ROBO1: variants seen among roughly 807,000 people sequenced by gnomAD.
ROBO1 encodes roundabout homolog 1.
In ROBO1, 149 loss-of-function variants were observed where a neutral mutation model predicts 195.9. That is an observed-to-expected ratio of 0.76 (90% CI 0.67 to 0.87). The LOEUF (loss-of-function observed/expected upper bound fraction) is 0.87. Among genes scored for constraint, ROBO1 ranks in the 40% least tolerant of loss-of-function variants. ROBO1 has a pLI of 0.00. For synonymous variants in ROBO1, 816 were observed against 733.2 expected (o/e 1.11, Z -1.82); for missense variants, 1,933 against 2,068.3 (o/e 0.93, Z 1.27).
intron 2 of ROBO1, among the ~76,000 whole-genome samples, chr3:79,229,791 C>A (rs2082289912): frequency 6.6e-6 from 1 of 152,018 alleles, no homozygotes; most frequent in African/African-American, 2.4e-5. Flanking sequence ...TTTTTAGCTT[C>A]TTTTATTCCC....
chr3:79,315,175 C>G (rs1023041516), intron 2 of ROBO1, among the ~76,000 whole-genome samples: 1 of 152,104 alleles, frequency 6.6e-6, no homozygotes, highest in Non-Finnish European at 1.5e-5. Context: ...AGTGCAGTGA[C>G]TCATACCTGT....
At chr3:79,334,338 ATATATG>A (rs2034576463) in intron 2 of ROBO1, among the ~76,000 whole-genome samples, 1 of 146,104 alleles carries the variant, frequency 6.8e-6, no homozygotes, top group African/African-American at 2.5e-5. Flanking sequence ...ATATGTGTAT[ATATATG>A]TATATATGTA....
chr3:79,114,964 G>A (rs2079964268), intron 3 of ROBO1, among the ~76,000 whole-genome samples: 1 of 152,128 alleles, frequency 6.6e-6, no homozygotes, highest in African/African-American at 2.4e-5. Flanking sequence ...TCTAATTGTA[G>A]AGTCATAGCA....
At chr3:79,417,954 A>G (rs774366738) in intron 2 of ROBO1, among the ~76,000 whole-genome samples, 12 of 152,140 alleles carry the variant, frequency 7.9e-5, no homozygotes, top group Non-Finnish European at 1.6e-4. Context: ...AGATTATTAC[A>G]AAAACACCAT....
intron 2 of ROBO1, among the ~76,000 whole-genome samples, chr3:79,301,327 A>G (rs2032944130): frequency 6.6e-6 from 1 of 152,188 alleles, no homozygotes; most frequent in Non-Finnish European, 1.5e-5. Flanking sequence ...TGAGACCAAG[A>G]ACCCACCAAT....
At position 79,635,810 on chromosome 3, in the gene ROBO1, G is replaced by A. The variant is rs570412641; in HGVS notation, c.-50-45849C>T. ...TGGAATGGGGATATTTTTAATTATT[G>A]CACTTAGTTAGATAAACTGTTATCC... On this transcript the variant is annotated intron_variant, in intron 1 of 30. Transcript: ENST00000464233. Among the ~76,000 whole-genome samples, 7 of 152,240 alleles carry A rather than the reference G, an allele frequency of 4.6e-5. No homozygotes were observed. In the South Asian group the frequency reaches 1.5e-3, roughly 32 times the overall value.
At chr3:78,818,095 A>C (rs1008269245) in intron 4 of ROBO1, among the ~76,000 whole-genome samples, 6 of 152,234 alleles carry the variant, frequency 3.9e-5, no homozygotes, top group Admixed American at 1.3e-4. Flanking sequence ...ATTCAACTGC[A>C]TCAGTTGCAG....
At position 78,670,235 on chromosome 3, in the gene ROBO1, C is replaced by A; in HGVS notation, c.1409G>T (p.Gly470Val). The change falls in exon 11 of 31, where the codon GGC becomes GTC. Residue 470 changes from glycine to valine, a missense_variant. This residue lies in a region of ROBO1 where 1,737 missense variants were observed against 1,882.5 expected (regional missense o/e 0.92). Transcript: ENST00000464233. Reference sequence around the variant, plus strand: ...GGCCACACAGCTGAGGACGAAAGTGCCATCCACGGCTACAGTCTGATTCAC... The same window carrying A: ...GGCCACACAGCTGAGGACGAAAGTGACATCCACGGCTACAGTCTGATTCAC... ...GPVNQTVAVD[G>V]TFVLSCVATG... 6.3e-7 allele frequency: 1 copy of A among 1,599,988 alleles called. No individual in the cohort carries two copies. Among genetic ancestry groups the A allele is most frequent in the Non-Finnish European group, 8.5e-7 (1 of 1,172,562 alleles).
Position 78,701,218 on chromosome 3 carries a change from A to T in ROBO1, c.1046-12446T>A, listed in dbSNP as rs148004989. ...ACAAAATGACTTTTAACAAGAAATG[A>T]TTTAAATATACAACATATGTATTGA... On this transcript the variant is annotated intron_variant, in intron 8 of 30. Transcript: ENST00000464233. Among the ~76,000 whole-genome samples, 27 of 152,360 alleles carry T rather than the reference A, an allele frequency of 1.8e-4. No individual in the cohort carries two copies. In the East Asian group the frequency reaches 5.2e-3, roughly 29 times the overall value.
intron 2 of ROBO1, among the ~76,000 whole-genome samples, chr3:79,484,318 G>A (rs137994278): frequency 2.0e-5 from 3 of 152,214 alleles, no homozygotes; most frequent in African/African-American, 7.2e-5. Flanking sequence ...CAGCACTTCC[G>A]TGAAGCCAGA....
At chr3:78,853,102 T>C (rs9863758) in intron 4 of ROBO1, among the ~76,000 whole-genome samples, 51,927 of 151,934 alleles carry the variant, frequency 0.34, 9,357 homozygotes, top group South Asian at 0.53. Flanking sequence ...GTGGAAATGA[T>C]AGTAAACATT....
chr3:79,159,764 T>C (rs1441121656), intron 2 of ROBO1, among the ~76,000 whole-genome samples: 1 of 152,046 alleles, frequency 6.6e-6, no homozygotes, highest in East Asian at 1.9e-4. Flanking sequence ...CTTATGTTTC[T>C]GAGCCCAGGG....
intron 28 of ROBO1, chr3:78,607,399 GAT>G: frequency 4.9e-6 from 1 of 203,856 alleles, no homozygotes; most frequent in East Asian, 1.2e-4. Flanking sequence ...TTTTTGTAGA[GAT>G]GGGGTTTTGC....
intron 1 of ROBO1, among the ~76,000 whole-genome samples, chr3:79,630,445 C>T (rs898109597): frequency 2.0e-5 from 3 of 151,938 alleles, no homozygotes; most frequent in African/African-American, 7.2e-5. Flanking sequence ...CCAACACCCT[C>T]TCATGTTAAA....
intron 2 of ROBO1, among the ~76,000 whole-genome samples, chr3:79,277,262 A>C (rs1038350703): frequency 6.6e-6 from 1 of 152,140 alleles, no homozygotes; most frequent in Non-Finnish European, 1.5e-5. Flanking sequence ...TGTAGTACAT[A>C]TACACAATAG....
rs749615667 is a variant in ROBO1, at chr3:78,598,864, T to C, written c.*49A>G. 2.9e-6 allele frequency: 4 copies of C among 1,377,270 alleles called. No individual in the cohort carries two copies. The South Asian group carries it at 4.0e-5, about 14-fold the overall frequency. 85.3% of individuals were successfully genotyped at this position (1,377,270 alleles called of 1,614,324 possible). A position where few individuals can be genotyped will look rare whatever the true frequency, so the allele number is the denominator to read the frequency against. On this transcript the variant is annotated 3_prime_UTR_variant, in exon 31 of 31. Transcript: ENST00000464233. The stretch of plus-strand genomic sequence containing the variant: ...GTCATGTGTCATCTGACAGGAGGCA[T>C]CTTGAGTGATGATTTTCACATTAGA...
chr3:79,753,363 T>A (rs1172734343), intron 1 of ROBO1, among the ~76,000 whole-genome samples: 2 of 152,122 alleles, frequency 1.3e-5, no homozygotes, highest in Non-Finnish European at 2.9e-5. Context: ...GTGATCTATT[T>A]GCAAGAAGTC....
chr3:79,011,872 C>T (rs950683653), intron 3 of ROBO1, among the ~76,000 whole-genome samples: 8 of 151,792 alleles, frequency 5.3e-5, no homozygotes, highest in African/African-American at 1.7e-4. Flanking sequence ...TCATACATAA[C>T]AATTTTTTTT....
At chr3:79,606,825 T>A (rs1944501848) in intron 1 of ROBO1, among the ~76,000 whole-genome samples, 1 of 152,024 alleles carries the variant, frequency 6.6e-6, no homozygotes, top group Non-Finnish European at 1.5e-5. Context: ...TCAAAAAATA[T>A]TATTGATAAA....
Sources: allele counts gnomAD v4.1 joint callset (sites outside exome capture counted in the v4.1 genomes callset), GRCh38; gene constraint gnomAD v4.1.1; regional missense constraint gnomAD v4.1.1; transcripts MANE v1.5; gene names NCBI Gene and HGNC (gene_info 2026-07-23, HGNC 2026-07-21).